KCNMB2: variants seen among roughly 807,000 people sequenced by gnomAD.
KCNMB2 encodes the protein calcium-activated potassium channel subunit beta-2.
In KCNMB2, 9 loss-of-function variants were observed where a neutral mutation model predicts 24.5. The ratio of observed to expected loss-of-function variants is 0.37; its 90% confidence interval spans 0.22 to 0.64. The LOEUF (loss-of-function observed/expected upper bound fraction) is 0.64, where lower values mean the gene tolerates loss of function less well. KCNMB2 is among the 30% of genes least tolerant of loss of function. KCNMB2 has a pLI of 0.63. For missense variants in KCNMB2, 226 were observed against 284.3 expected, an observed-to-expected ratio of 0.79 and a Z score of 1.47; for synonymous variants, 109 against 104.4, an observed-to-expected ratio of 1.04 and a Z score of -0.27.
intron 1 of KCNMB2, among the ~76,000 whole-genome samples, chr3:178,761,557 T>C (rs969738409): frequency 6.6e-6 from 1 of 152,202 alleles, no homozygotes; most frequent in Non-Finnish European, 1.5e-5. Flanking sequence ...CAAGATGGCT[T>C]GTCATTTTGC....
At chr3:178,649,803 TA>T (rs889220597) in intron 1 of KCNMB2, among the ~76,000 whole-genome samples, 14 of 135,472 alleles carry the variant, frequency 1.0e-4, no homozygotes, top group African/African-American at 3.9e-4. Flanking sequence ...GTTAATCATT[TA>T]AAAAAAACAG....
At chr3:178,657,790 T>C (rs1720396173) in intron 1 of KCNMB2, among the ~76,000 whole-genome samples, 1 of 152,204 alleles carries the variant, frequency 6.6e-6, no homozygotes, top group Admixed American at 6.5e-5. Flanking sequence ...ACATGGCAGA[T>C]GGCATCACAT....
chr3:178,569,645 T>C (rs1471952789), intron 1 of KCNMB2, among the ~76,000 whole-genome samples: 1 of 152,160 alleles, frequency 6.6e-6, no homozygotes, highest in Admixed American at 6.6e-5. Flanking sequence ...GCCTGGTGTA[T>C]TGAACATCAT....
chr3:178,807,369 C>T lies in KCNMB2; in HGVS notation c.-41C>T. 1.3e-6 allele frequency: 2 copies of T among 1,576,610 alleles called. No homozygotes were observed. Among genetic ancestry groups the T allele is most frequent in the Non-Finnish European group, 1.7e-6 (2 of 1,147,652 alleles). ...TCTTTTTGCCATTCCTCCAGGACAT[C>T]CACCATAAGGAAAGGAGACCCTGGA... On this transcript the variant is annotated 5_prime_UTR_variant, in exon 2 of 5. Transcript: ENST00000452583.
intron 1 of KCNMB2, chr3:178,757,095 G>A (rs1010862581): frequency 1.3e-4 from 19 of 148,380 alleles, no homozygotes; most frequent in South Asian, 2.1e-4. Flanking sequence ...TTACATTTCC[G>A]CCCCATCTTT....
intron 1 of KCNMB2, among the ~76,000 whole-genome samples, chr3:178,711,074 T>C (rs1722437170): frequency 6.6e-6 from 1 of 152,086 alleles, no homozygotes; most frequent in South Asian, 2.1e-4. Context: ...GTTTATTAAG[T>C]TTTCTTTGCA....
chr3:178,545,725 C>G (rs1715751122), intron 1 of KCNMB2, among the ~76,000 whole-genome samples: 1 of 152,118 alleles, frequency 6.6e-6, no homozygotes, highest in African/African-American at 2.4e-5. Flanking sequence ...CAGAGGGATT[C>G]TATTTCTGTA....
chr3:178,598,326 T>A (rs1239736795), intron 1 of KCNMB2, among the ~76,000 whole-genome samples: 4 of 152,072 alleles, frequency 2.6e-5, no homozygotes, highest in Non-Finnish European at 1.5e-5. Context: ...ACAATAAAGG[T>A]CTGTAAAGCA....
chr3:178,560,650 C>T (rs145290916), intron 1 of KCNMB2, among the ~76,000 whole-genome samples: 93 of 152,356 alleles, frequency 6.1e-4, no homozygotes, highest in African/African-American at 1.9e-3. Context: ...CTTTGCTCTA[C>T]ACTGTTCTTT....
rs1160563646 is a variant in KCNMB2 at position 178,614,289 on chromosome 3, A to ATGTATG, written c.-68+77579_-68+77580insGTATGT. Among the ~76,000 whole-genome samples the ATGTATG allele has an allele frequency of 1.8e-4, 18 of 97,790 alleles. 1 individual carries two copies. The highest frequency in any genetic ancestry group is 5.9e-4 in the African/African-American group (15 of 25,318). 64.2% of individuals were successfully genotyped at this position (97,790 alleles called of 152,430 possible). ...TATATATATATATATATATATATAT[A>ATGTATG]TATATATGTATGTATATATATGTAT... On this transcript the variant is annotated intron_variant, in intron 1 of 4. Transcript: ENST00000452583.
chr3:178,693,896 T>TTC (rs1472158390), intron 1 of KCNMB2, among the ~76,000 whole-genome samples: 1 of 151,432 alleles, frequency 6.6e-6, no homozygotes, highest in Non-Finnish European at 1.5e-5. Context: ...CTTTTTCTTT[T>TTC]TTTTTTTTAG....
intron 1 of KCNMB2, among the ~76,000 whole-genome samples, chr3:178,550,777 C>T (rs1349081327): frequency 2.0e-5 from 3 of 151,892 alleles, no homozygotes; most frequent in Non-Finnish European, 2.9e-5. Flanking sequence ...TCAGTTTCCT[C>T]CTCTGTAAAA....
At chr3:178,593,140 C>A (rs1181956238) in intron 1 of KCNMB2, among the ~76,000 whole-genome samples, 1 of 151,844 alleles carries the variant, frequency 6.6e-6, no homozygotes, top group East Asian at 1.9e-4. Flanking sequence ...AGCTTGGAGG[C>A]CAGAGCAGTT....
At chr3:178,840,551 C>T (rs954793336) in intron 4 of KCNMB2, among the ~76,000 whole-genome samples, 37 of 152,366 alleles carry the variant, frequency 2.4e-4, no homozygotes, top group African/African-American at 8.7e-4. Context: ...GACACCCAGG[C>T]ATTTCTATCT....
intron 1 of KCNMB2, among the ~76,000 whole-genome samples, chr3:178,557,111 A>G (rs1235965804): frequency 1.3e-5 from 2 of 152,244 alleles, no homozygotes; most frequent in Non-Finnish European, 2.9e-5. Context: ...AGCACTGGTT[A>G]TCAACCCTTT....
chr3:178,721,994 C>CT (rs1722822180), intron 1 of KCNMB2, among the ~76,000 whole-genome samples: 1 of 152,138 alleles, frequency 6.6e-6, no homozygotes, highest in Admixed American at 6.5e-5. Context: ...AATATTTTCT[C>CT]TTAGTCCATG....
intron 1 of KCNMB2, among the ~76,000 whole-genome samples, chr3:178,670,003 A>T (rs564418081): frequency 6.6e-6 from 1 of 152,218 alleles, no homozygotes; most frequent in Non-Finnish European, 1.5e-5. Context: ...TCTTGACTAG[A>T]AAATACATAT....
intron 1 of KCNMB2, among the ~76,000 whole-genome samples, chr3:178,565,585 A>C (rs1716488691): frequency 6.6e-6 from 1 of 152,254 alleles, no homozygotes; most frequent in African/African-American, 2.4e-5. Flanking sequence ...GTGTTGTGTC[A>C]CATGAGTTTG....
intron 1 of KCNMB2, among the ~76,000 whole-genome samples, chr3:178,621,405 T>G (rs1388174708): frequency 6.6e-6 from 1 of 152,104 alleles, no homozygotes; most frequent in Middle Eastern, 3.2e-3. Context: ...TTTGGGTCTC[T>G]GCTTAAATAT....
Sources: gnomAD v4.1 joint callset for allele counts (sites outside exome capture counted in the v4.1 genomes callset) on GRCh38, gnomAD v4.1.1 for gene constraint, MANE v1.5 for transcripts, NCBI Gene and HGNC (gene_info 2026-07-23, HGNC 2026-07-21) for gene names.